The following EFNA5 variants were observed in gnomAD, a reference collection of about 807,000 sequenced individuals.
The protein encoded by EFNA5 is ephrin A5.
In EFNA5, 5 loss-of-function variants were observed where a neutral mutation model predicts 22.9. The observed-to-expected ratio is 0.22, with a 90% CI of 0.11 to 0.46. EFNA5 has a LOEUF of 0.46. Ranked by LOEUF, EFNA5 falls within the 20% of genes least tolerant of loss-of-function variation. EFNA5 has a pLI of 0.99. For missense variants in EFNA5, 237 were observed against 293.3 expected, an observed-to-expected ratio of 0.81 and a Z score of 1.40; for synonymous variants, 113 against 112.2, an observed-to-expected ratio of 1.01 and a Z score of -0.04.
At chr5:107,540,231 C>T (rs1003530236) in intron 1 of EFNA5, among the ~76,000 whole-genome samples, 4 of 152,028 alleles carry the variant, frequency 2.6e-5, no homozygotes, top group Non-Finnish European at 2.9e-5. Flanking sequence ...CATAATTATG[C>T]CCATAACTAA....
chr5:107,535,449 C>A (rs1473017277), intron 1 of EFNA5, among the ~76,000 whole-genome samples: 1 of 151,530 alleles, frequency 6.6e-6, no homozygotes, highest in Non-Finnish European at 1.5e-5. Flanking sequence ...AAGAACAATG[C>A]AGAAAAACAT....
At chr5:107,497,541 A>G (rs1415162770) in intron 1 of EFNA5, among the ~76,000 whole-genome samples, 5 of 152,210 alleles carry the variant, frequency 3.3e-5, no homozygotes, top group African/African-American at 1.2e-4. Context: ...TGCATCAGCT[A>G]AAGTTCTAAA....
At chr5:107,513,469 T>C (rs534998499) in intron 1 of EFNA5, among the ~76,000 whole-genome samples, 2 of 152,152 alleles carry the variant, frequency 1.3e-5, no homozygotes, top group South Asian at 4.1e-4. Flanking sequence ...AGTCAAAGTG[T>C]CTCACTTGTG....
chr5:107,550,117 G>T (rs1748256575), intron 1 of EFNA5, among the ~76,000 whole-genome samples: 1 of 152,186 alleles, frequency 6.6e-6, no homozygotes, highest in Non-Finnish European at 1.5e-5. Context: ...CATGGGCAAA[G>T]TGCCCTCACA....
At chr5:107,466,565 G>A (rs1228900769) in intron 1 of EFNA5, among the ~76,000 whole-genome samples, 2 of 152,194 alleles carry the variant, frequency 1.3e-5, no homozygotes, top group East Asian at 1.9e-4. Context: ...TGTGCGGCAT[G>A]AGGAATGTTC....
chr5:107,554,618 AT>A (rs1748368514), intron 1 of EFNA5, among the ~76,000 whole-genome samples: 1 of 152,222 alleles, frequency 6.6e-6, no homozygotes. Context: ...GAAGAAACTA[AT>A]TGATAGGCAA....
rs11376049 is a variant in EFNA5, at chr5:107,518,581, C to CAA, written c.126-91074_126-91073dup. ...ATTGGGAAGCCGAGGTACACCATGC[C>CAA]AAAAAAAAAAATACCTAAAAATTCT... On this transcript the variant is annotated intron_variant, in intron 1 of 4. Coordinates refer to ENST00000333274, the MANE Select transcript of EFNA5 (RefSeq NM_001962.3). Among the ~76,000 whole-genome samples the CAA allele has an allele frequency of 1.7e-3, 251 of 147,504 alleles. 3 individuals are homozygous for CAA. Among genetic ancestry groups the CAA allele is most frequent in the South Asian group, 7.6e-3 (35 of 4,630 alleles).
In EFNA5 at chr5:107,380,649, T is replaced by G. The variant is rs1747426449; in HGVS notation, c.*606A>C. The G allele has an allele frequency of 3.6e-6, 1 of 280,492 alleles. No homozygotes were observed. Among genetic ancestry groups the G allele is most frequent in the Non-Finnish European group, 6.6e-6 (1 of 151,334 alleles). The allele number at this position is 280,492 out of a possible 1,614,324, so 17.4% of individuals were successfully genotyped here. A position where few individuals can be genotyped will look rare whatever the true frequency, so the allele number is the denominator to read the frequency against. On this transcript the variant is annotated 3_prime_UTR_variant, in exon 5 of 5. Coordinates refer to ENST00000333274, the MANE Select transcript of EFNA5 (RefSeq NM_001962.3). Reference sequence around the variant, plus strand: ...CAAGAATGCTTTAAGACAGTCATATTAAAAAAAAAAACCAGTGTCTCAACC... The same window carrying G: ...CAAGAATGCTTTAAGACAGTCATATGAAAAAAAAAAACCAGTGTCTCAACC...
chr5:107,654,796 T>A (rs1332578480), intron 1 of EFNA5, among the ~76,000 whole-genome samples: 2 of 151,726 alleles, frequency 1.3e-5, no homozygotes, highest in Non-Finnish European at 2.9e-5. Context: ...CCAAAAAAAA[T>A]AATGAGGTAA....
At chr5:107,590,331 A>G (rs1749291149) in intron 1 of EFNA5, among the ~76,000 whole-genome samples, 1 of 152,168 alleles carries the variant, frequency 6.6e-6, no homozygotes, top group African/African-American at 2.4e-5. Context: ...CAGTTCCATT[A>G]AGAGACAGAA....
chr5:107,607,180 C>CGTCAT (rs1281058576), intron 1 of EFNA5, among the ~76,000 whole-genome samples: 1 of 152,344 alleles, frequency 6.6e-6, no homozygotes, highest in Admixed American at 6.5e-5. Context: ...AAGAGATTGT[C>CGTCAT]TGCAAATACA....
At chr5:107,623,232 C>T (rs1005966023) in intron 1 of EFNA5, among the ~76,000 whole-genome samples, 8 of 151,900 alleles carry the variant, frequency 5.3e-5, no homozygotes, top group African/African-American at 1.9e-4. Flanking sequence ...AGAAAGAGGA[C>T]ACGTAATAGT....
chr5:107,601,640 C>T (rs1179375797), intron 1 of EFNA5, among the ~76,000 whole-genome samples: 1 of 152,174 alleles, frequency 6.6e-6, no homozygotes, highest in Admixed American at 6.5e-5. Context: ...TTGCCTGCAA[C>T]TGACATTAAT....
intron 2 of EFNA5, among the ~76,000 whole-genome samples, chr5:107,399,665 G>C (rs1261099091): frequency 3.3e-5 from 5 of 152,176 alleles, no homozygotes; most frequent in African/African-American, 4.8e-5. Context: ...ATGAAGATCA[G>C]AGAAACCTCT....
intron 1 of EFNA5, among the ~76,000 whole-genome samples, chr5:107,662,768 A>G (rs1750989073): frequency 7.0e-6 from 1 of 142,984 alleles, no homozygotes; most frequent in East Asian, 2.1e-4. Flanking sequence ...CGGGAGAAAG[A>G]TTCCGGGTAG....
At chr5:107,497,447 G>A (rs1306349121) in intron 1 of EFNA5, among the ~76,000 whole-genome samples, 3 of 152,188 alleles carry the variant, frequency 2.0e-5, no homozygotes, top group Non-Finnish European at 4.4e-5. Flanking sequence ...GGCTGCCTAA[G>A]ACGTAAAGGC....
At chr5:107,575,941 A>C (rs1748919206) in intron 1 of EFNA5, among the ~76,000 whole-genome samples, 1 of 152,216 alleles carries the variant, frequency 6.6e-6, no homozygotes, top group Non-Finnish European at 1.5e-5. Flanking sequence ...AAAGGCAATA[A>C]AAAGGAAAGG....
chr5:107,595,459 C>T (rs955752775), intron 1 of EFNA5, among the ~76,000 whole-genome samples: 2 of 146,662 alleles, frequency 1.4e-5, no homozygotes, highest in African/African-American at 5.2e-5. Context: ...TAATATGAAG[C>T]TCAGTTGTTA....
intron 1 of EFNA5, among the ~76,000 whole-genome samples, chr5:107,551,884 A>T (rs992903684): frequency 2.6e-5 from 4 of 152,164 alleles, no homozygotes; most frequent in Non-Finnish European, 5.9e-5. Flanking sequence ...AGAAGGAACT[A>T]TAAGCAAAAT....
Sources: gnomAD v4.1 joint callset for allele counts (sites outside exome capture counted in the v4.1 genomes callset) on GRCh38, gnomAD v4.1.1 for gene constraint, MANE v1.5 for transcripts, NCBI Gene and HGNC (gene_info 2026-07-23, HGNC 2026-07-21) for gene names.